Variants in CNTN5 observed in about 807,000 individuals in gnomAD.
CNTN5 encodes contactin-5.
A neutral mutation model predicts 129.1 loss-of-function variants in CNTN5; 77 were observed. That is an observed-to-expected ratio of 0.60 (90% CI 0.50 to 0.72). The LOEUF (loss-of-function observed/expected upper bound fraction) is 0.72. CNTN5 is among the 30% of genes least tolerant of loss of function. The pLI is 0.00. For synonymous variants in CNTN5, 509 were observed against 465.6 expected (o/e 1.09, Z -1.20); for missense variants, 1,478 against 1,328.8 (o/e 1.11, Z -1.75).
chr11:99,482,589 A>T (rs1945643620), intron 2 of CNTN5, among the ~76,000 whole-genome samples: 1 of 152,186 alleles, frequency 6.6e-6, no homozygotes. Context: ...TTACTTTTTA[A>T]ATATTTAATA....
rs182739153 is a variant in CNTN5 at position 99,688,751 on chromosome 11, C to T, written c.56-130793C>T. On this transcript the variant is annotated intron_variant, in intron 3 of 24. Coordinates refer to ENST00000524871, the MANE Select transcript of CNTN5 (RefSeq NM_014361.4). ...CATTAGCTATTCTTCTTGATGCTCT[C>T]CCTTCTCCCCGCCACCCTCTGACAG... 3.1e-4 allele frequency among the ~76,000 whole-genome samples: 47 copies of T among 152,230 alleles called. No homozygotes were observed. The East Asian group carries it at 4.8e-3, about 16-fold the overall frequency.
At chr11:100,093,758 G>A (rs1220581845) in intron 13 of CNTN5, among the ~76,000 whole-genome samples, 1 of 152,082 alleles carries the variant, frequency 6.6e-6, no homozygotes, top group Non-Finnish European at 1.5e-5. Flanking sequence ...AGAATTACAC[G>A]TGGATTTTGT....
chr11:99,821,152 TC>T (rs148590527), intron 4 of CNTN5, among the ~76,000 whole-genome samples: 2,005 of 152,304 alleles, frequency 0.013, 52 homozygotes, highest in African/African-American at 0.045. Context: ...AGGTAGAAAA[TC>T]AAGTGATCAG....
intron 2 of CNTN5, among the ~76,000 whole-genome samples, chr11:99,494,439 G>A (rs1946150216): frequency 1.3e-5 from 2 of 152,040 alleles, no homozygotes; most frequent in African/African-American, 4.8e-5. Context: ...TATCCTTATT[G>A]GGATAAATAA....
At chr11:100,097,019 C>T (rs959290694) in intron 13 of CNTN5, among the ~76,000 whole-genome samples, 1 of 152,052 alleles carries the variant, frequency 6.6e-6, no homozygotes, top group Non-Finnish European at 1.5e-5. Flanking sequence ...TTCTTAAAAC[C>T]ACGCTGTGTT....
chr11:99,543,077 T>TTA (rs1257988013), intron 2 of CNTN5, among the ~76,000 whole-genome samples: 2 of 152,108 alleles, frequency 1.3e-5, no homozygotes, highest in Non-Finnish European at 2.9e-5. Context: ...CTGTGCTCTG[T>TTA]TATATATATA....
chr11:100,309,393 G>T (rs1426833960), intron 21 of CNTN5: 1 of 968,290 alleles, frequency 1.0e-6, no homozygotes, highest in Non-Finnish European at 1.2e-6. Flanking sequence ...CATACAGCTG[G>T]CATTAAATAA....
rs1344756708 is a variant in CNTN5, at chr11:100,216,680, AGCCTTTTAT to A, written c.1885-8007_1885-7999del. On this transcript the variant is annotated intron_variant, in intron 15 of 24. Coordinates refer to ENST00000524871, the MANE Select transcript of CNTN5 (RefSeq NM_014361.4). ...ATACTGACATTTCATAGAGCTATGC[AGCCTTTTAT>A]GCCTAGATGCGGTTGATGAAAACAG... is the stretch of plus-strand genomic sequence containing the variant. 2.0e-5 allele frequency among the ~76,000 whole-genome samples: 3 copies of A among 152,280 alleles called. No individual in the cohort carries two copies. In the East Asian group the frequency reaches 5.8e-4, roughly 29 times the overall value.
At chr11:100,127,674 TTGAGATGGAGTCTCTCTC>T (rs1329486894) in intron 13 of CNTN5, among the ~76,000 whole-genome samples, 186 of 134,512 alleles carry the variant, frequency 1.4e-3, no homozygotes, top group South Asian at 2.9e-3. Context: ...TTTTTTTTTT[TTGAGATGGAGTCTCTCTC>T]TTGTCACCCA....
In CNTN5 at chr11:100,117,048, G is replaced by A. The variant is rs538448821; in HGVS notation, c.1580+42754G>A. 9.2e-5 allele frequency among the ~76,000 whole-genome samples: 14 copies of A among 152,026 alleles called. 1 individual carries two copies. The highest frequency in any genetic ancestry group is 2.6e-4 in the African/African-American group (11 of 41,514). ...ATGGTCAGCACTACTTGCTTGCTTGGTTAGACTTGTATTCAGTTAAAAAAT... is the reference window on the plus strand; with the variant it reads ...ATGGTCAGCACTACTTGCTTGCTTGATTAGACTTGTATTCAGTTAAAAAAT... On this transcript the variant is annotated intron_variant, in intron 13 of 24. Transcript: ENST00000524871.
At chr11:99,687,204 A>G (rs1363633254) in intron 3 of CNTN5, among the ~76,000 whole-genome samples, 4 of 152,164 alleles carry the variant, frequency 2.6e-5, no homozygotes, top group Non-Finnish European at 5.9e-5. Flanking sequence ...ACAGAAACGA[A>G]AGAAAAGAAT....
chr11:99,264,272 A>G (rs906913970), intron 1 of CNTN5, among the ~76,000 whole-genome samples: 1 of 151,868 alleles, frequency 6.6e-6, no homozygotes, highest in South Asian at 2.1e-4. Flanking sequence ...CTTAGAATTT[A>G]TAGGCTAAAT....
At position 99,637,402 on chromosome 11, in the gene CNTN5, GAATAA is replaced by G. The variant is rs1591399089; in HGVS notation, c.55+81135_55+81139del. ...ATATAGCATAATACTTGTATAAATT[GAATAA>G]ACATAAGCAAACACATCACATGGCA... is the stretch of plus-strand genomic sequence containing the variant. On this transcript the variant is annotated intron_variant, in intron 3 of 24. Coordinates refer to ENST00000524871, the MANE Select transcript of CNTN5 (RefSeq NM_014361.4). Among the ~76,000 whole-genome samples the G allele has an allele frequency of 2.0e-5, 3 of 152,094 alleles. No homozygotes were observed. The East Asian group carries it at 5.8e-4, about 29-fold the overall frequency.
Position 99,844,893 on chromosome 11 carries a change from G to T in CNTN5, c.319G>T (p.Asp107Tyr), listed in dbSNP as rs759200919. The change falls in exon 5 of 25, where the codon GAT (aspartate) becomes TAT (tyrosine). Residue 107 changes from aspartate to tyrosine, a missense_variant. Asp to Tyr is a radical substitution (Grantham distance 160). Coordinates refer to ENST00000524871, the MANE Select transcript of CNTN5 (RefSeq NM_014361.4). ...YGPVFVQEPD[D>Y]IIFPTDSDEK... ...GCCAGTTTTTGTGCAAGAACCAGAT[G>T]ATATTATTTTTCCAACTGATTCTGA... 1.2e-6 allele frequency: 2 copies of T among 1,613,710 alleles called. No individual in the cohort carries two copies. Among genetic ancestry groups the T allele is most frequent in the Non-Finnish European group, 1.7e-6 (2 of 1,179,712 alleles).
At chr11:99,169,298 G>A (rs958137299) in intron 1 of CNTN5, among the ~76,000 whole-genome samples, 4 of 151,924 alleles carry the variant, frequency 2.6e-5, no homozygotes, top group Admixed American at 6.6e-5. Context: ...AGAGGTCCTG[G>A]AATTCCTGTG....
At chr11:100,025,989 G>A (rs576449498) in intron 9 of CNTN5, among the ~76,000 whole-genome samples, 6 of 152,148 alleles carry the variant, frequency 3.9e-5, no homozygotes, top group South Asian at 2.1e-4. Context: ...GACTGCTTTT[G>A]AAATGTGAAA....
intron 6 of CNTN5, among the ~76,000 whole-genome samples, chr11:99,872,869 GATT>G (rs1232377022): frequency 1.8e-4 from 28 of 151,938 alleles, no homozygotes; most frequent in African/African-American, 6.3e-4. Context: ...ACATATTTGA[GATT>G]ATATTTTCAT....
At chr11:99,349,376 C>T (rs997064085) in intron 2 of CNTN5, among the ~76,000 whole-genome samples, 4 of 152,144 alleles carry the variant, frequency 2.6e-5, no homozygotes, top group Non-Finnish European at 4.4e-5. Context: ...CACTCTTCTC[C>T]CCACTACCCT....
chr11:100,066,488 T>C (rs192528611), intron 10 of CNTN5, among the ~76,000 whole-genome samples: 2 of 152,248 alleles, frequency 1.3e-5, no homozygotes, highest in African/African-American at 4.8e-5. Context: ...GCAAGAGTTT[T>C]CTTTATGCAC....
Sources: gnomAD v4.1 joint callset for allele counts (sites outside exome capture counted in the v4.1 genomes callset) on GRCh38, gnomAD v4.1.1 for gene constraint, MANE v1.5 for transcripts, NCBI Gene and HGNC (gene_info 2026-07-23, HGNC 2026-07-21) for gene names.